The following CLVS2 variants were observed in gnomAD, a reference collection of about 807,000 sequenced individuals.
CLVS2 encodes clavesin-2.
A neutral mutation model predicts 29.0 loss-of-function variants in CLVS2; 19 were observed. The ratio of observed to expected loss-of-function variants is 0.66; its 90% CI spans 0.46 to 0.96. The LOEUF (loss-of-function observed/expected upper bound fraction) is 0.96, where lower values mean the gene tolerates loss of function less well. Ranked by LOEUF, CLVS2 falls within the 40% of genes least tolerant of loss-of-function variation. CLVS2 has a pLI of 0.00. For missense variants in CLVS2, 294 were observed against 404.1 expected, an observed-to-expected ratio of 0.73 and a Z score of 2.34; for synonymous variants, 161 against 151.3, an observed-to-expected ratio of 1.06 and a Z score of -0.47.
intron 5 of CLVS2, among the ~76,000 whole-genome samples, chr6:123,062,654 T>A (rs1348898743): frequency 2.6e-5 from 4 of 152,240 alleles, no homozygotes; most frequent in Non-Finnish European, 4.4e-5. Flanking sequence ...CAGTTAATCC[T>A]GTAATTATTT....
At chr6:123,025,560 C>G (rs1262124938) in intron 3 of CLVS2, among the ~76,000 whole-genome samples, 1 of 152,086 alleles carries the variant, frequency 6.6e-6, no homozygotes, top group African/African-American at 2.4e-5. Context: ...AGATTCCCTT[C>G]CTTAGGACCA....
Position 123,050,786 on chromosome 6 carries a change from G to A in CLVS2, c.675+2054G>A, listed in dbSNP as rs188892207. Among the ~76,000 whole-genome samples, 4 of 152,212 alleles carry A rather than the reference G, an allele frequency of 2.6e-5. No homozygotes were observed. In the East Asian group the frequency reaches 7.7e-4, roughly 29 times the overall value. ...GCCCTTGAAGGTCATTGAATACAGG[G>A]GTTACTTGTTCTGAAATGATTTTTA... On this transcript the variant is annotated intron_variant, in intron 4 of 5. Coordinates refer to ENST00000275162, the MANE Select transcript of CLVS2 (RefSeq NM_001010852.4).
In CLVS2 at chr6:122,997,861, C is replaced by T; in HGVS notation, c.84C>T (p.His28=). 6 of 1,614,188 alleles carry T rather than the reference C, an allele frequency of 3.7e-6. No individual in the cohort carries two copies. The highest frequency in any genetic ancestry group is 3.4e-6 in the Non-Finnish European group (4 of 1,180,038). The change falls in exon 2 of 6, where the codon CAC becomes CAT. Residue 28 remains histidine (H), a synonymous_variant. Transcript: ENST00000275162. The stretch of plus-strand genomic sequence containing the variant: ...TCAATGAAAACCCAGACACGCTGCA[C>T]CAGGACATCCAGGAGGTGAGGGATA... ...LELNENPDTL[H]QDIQEVRDMV...
At chr6:123,011,329 C>T (rs930384462) in intron 3 of CLVS2, among the ~76,000 whole-genome samples, 170 bp downstream of exon 3, 1 of 151,930 alleles carries the variant, frequency 6.6e-6, no homozygotes, top group African/African-American at 2.4e-5. Flanking sequence ...ATAGAAGAAA[C>T]GCTGAAGGAA....
intron 3 of CLVS2, among the ~76,000 whole-genome samples, chr6:123,028,480 T>C (rs1054834953): frequency 6.6e-6 from 1 of 152,160 alleles, no homozygotes; most frequent in South Asian, 2.1e-4. Context: ...GGCAGCATAG[T>C]GAGAACTTGT....
At chr6:123,028,426 G>A (rs561870225) in intron 3 of CLVS2, among the ~76,000 whole-genome samples, 13 of 152,260 alleles carry the variant, frequency 8.5e-5, no homozygotes, top group African/African-American at 3.1e-4. Context: ...TTGGGAGGCC[G>A]AGGCAAGCGG....
At chr6:123,042,629 A>G (rs1380152673) in intron 3 of CLVS2, among the ~76,000 whole-genome samples, 2 of 152,188 alleles carry the variant, frequency 1.3e-5, no homozygotes, top group Non-Finnish European at 2.9e-5. Context: ...AGACATTCCA[A>G]TTAGCTGGTA....
Position 123,068,456 on chromosome 6 carries a change from G to A in CLVS2, c.*4695G>A, listed in dbSNP as rs957401368. On this transcript the variant is annotated 3_prime_UTR_variant, in exon 6 of 6. Transcript: ENST00000275162. ...AATAAATTTTAACCACAGTTTTAAG[G>A]GTCACCCAATCCTCAACTACTTTAA... The A allele has an allele frequency of 2.6e-5, 4 of 151,276 alleles. No individual in the cohort carries two copies. Among genetic ancestry groups the A allele is most frequent in the Admixed American group, 1.3e-4 (2 of 15,152 alleles). The allele number at this position is 151,276 out of a possible 1,614,324, so 9.4% of individuals were successfully genotyped here.
At chr6:123,005,838 A>C (rs1395407221) in intron 2 of CLVS2, among the ~76,000 whole-genome samples, 1 of 152,188 alleles carries the variant, frequency 6.6e-6, no homozygotes, top group Admixed American at 6.5e-5. Flanking sequence ...GGGAAGCCTT[A>C]AGTGAATGTT....
chr6:123,046,886 A>T (rs1441512489), intron 3 of CLVS2, among the ~76,000 whole-genome samples: 1 of 152,160 alleles, frequency 6.6e-6, no homozygotes, highest in Non-Finnish European at 1.5e-5. Flanking sequence ...CTTCTAAGCC[A>T]AGCACACACT....
At chr6:123,059,993 G>A (rs1236345291) in intron 5 of CLVS2, among the ~76,000 whole-genome samples, 4 of 152,176 alleles carry the variant, frequency 2.6e-5, no homozygotes, top group Non-Finnish European at 4.4e-5. Context: ...ATGGAAAACT[G>A]AAAAATGAGA....
chr6:123,004,465 G>C (rs1774634832), intron 2 of CLVS2, among the ~76,000 whole-genome samples: 1 of 152,130 alleles, frequency 6.6e-6, no homozygotes, highest in South Asian at 2.1e-4. Context: ...ATTTATTCCA[G>C]GGATTGTAGA....
At chr6:122,998,886 C>A (rs925447287) in intron 2 of CLVS2, among the ~76,000 whole-genome samples, 1 of 140,486 alleles carries the variant, frequency 7.1e-6, no homozygotes, top group African/African-American at 2.5e-5. Context: ...GGAAAATATT[C>A]AGATGTGTCA....
chr6:123,032,418 C>T (rs1411024278), intron 3 of CLVS2, among the ~76,000 whole-genome samples: 2 of 152,000 alleles, frequency 1.3e-5, no homozygotes, highest in Non-Finnish European at 2.9e-5. Flanking sequence ...CTTACTTTAT[C>T]AAAGGCATTC....
In CLVS2 at chr6:123,072,216, A is replaced by G. The variant is rs532204258; in HGVS notation, c.*8455A>G. The G allele has an allele frequency of 3.3e-5, 5 of 152,210 alleles. No individual in the cohort carries two copies. The East Asian group carries it at 5.8e-4, about 18-fold the overall frequency. The allele number at this position is 152,210 out of a possible 1,614,324, so 9.4% of individuals were successfully genotyped here. On this transcript the variant is annotated 3_prime_UTR_variant, in exon 6 of 6. Transcript: ENST00000275162. ...CTGTTTTATAATCTTCTATCAGAAC[A>G]TATATTAAGAAGACACTGAATTTAA...
intron 2 of CLVS2, among the ~76,000 whole-genome samples, chr6:123,006,301 T>C (rs1774666915): frequency 6.6e-6 from 1 of 152,156 alleles, no homozygotes; most frequent in South Asian, 2.1e-4. Flanking sequence ...GGTGAGCCTA[T>C]GCATGGGTGT....
Position 123,071,386 on chromosome 6 carries a change from A to G in CLVS2, c.*7625A>G, listed in dbSNP as rs1021116882. 1.3e-5 allele frequency: 2 copies of G among 152,006 alleles called. No individual in the cohort carries two copies. The highest frequency in any genetic ancestry group is 4.8e-5 in the African/African-American group (2 of 41,444). The allele number at this position is 152,006 out of a possible 1,614,324, so 9.4% of individuals were successfully genotyped here. ...TCCCCAATTGTGATCTCTATCCCTG[A>G]GCCTAAGTTTTACATCAGTATTTCA... On this transcript the variant is annotated 3_prime_UTR_variant, in exon 6 of 6. Transcript: ENST00000275162.
At chr6:123,055,382 A>T (rs1332517160) in intron 4 of CLVS2, among the ~76,000 whole-genome samples, 2 of 152,226 alleles carry the variant, frequency 1.3e-5, no homozygotes, top group African/African-American at 4.8e-5. Context: ...TAACTTGCAT[A>T]GGCTCTGTAA....
At chr6:123,050,420 T>C (rs1449945522) in intron 4 of CLVS2, among the ~76,000 whole-genome samples, 1 of 152,208 alleles carries the variant, frequency 6.6e-6, no homozygotes, top group African/African-American at 2.4e-5. Context: ...TATTGTTATT[T>C]TTCTCATTTT....
Sources: gnomAD v4.1 joint callset for allele counts (sites outside exome capture counted in the v4.1 genomes callset) on GRCh38, gnomAD v4.1.1 for gene constraint, MANE v1.5 for transcripts, NCBI Gene and HGNC (gene_info 2026-07-23, HGNC 2026-07-21) for gene names.